Variants in DOK5 observed in about 807,000 individuals in gnomAD.
The protein encoded by DOK5 is docking protein 5.
Under a neutral mutation model 43.3 loss-of-function variants are expected in DOK5, and 27 were observed. That is an observed-to-expected ratio of 0.62 (90% CI 0.46 to 0.86). The LOEUF is 0.86. DOK5 is among the 40% of genes least tolerant of loss of function. The pLI is 0.00. For synonymous variants in DOK5, 146 were observed against 140.1 expected, an observed-to-expected ratio of 1.04 and a Z score of -0.30; for missense variants, 373 against 392.9, an observed-to-expected ratio of 0.95 and a Z score of 0.43.
At chr20:54,602,430 A>T (rs1449199375) in intron 5 of DOK5, among the ~76,000 whole-genome samples, 1 of 152,176 alleles carries the variant, frequency 6.6e-6, no homozygotes, top group Admixed American at 6.5e-5. Flanking sequence ...GTTTCCAAAA[A>T]TGTGGTATGA....
chr20:54,599,778 C>A (rs780865740), intron 5 of DOK5, among the ~76,000 whole-genome samples: 5 of 152,090 alleles, frequency 3.3e-5, no homozygotes, highest in Non-Finnish European at 5.9e-5. Flanking sequence ...CTAGAAAGGG[C>A]TAGTAAAAAA....
chr20:54,632,771 A>G (rs1978630036), intron 6 of DOK5, among the ~76,000 whole-genome samples: 1 of 152,176 alleles, frequency 6.6e-6, no homozygotes, highest in African/African-American at 2.4e-5. Context: ...CCATCTGGGA[A>G]CTTGTTACAA....
At chr20:54,484,141 G>A (rs1050519748) in intron 1 of DOK5, among the ~76,000 whole-genome samples, 10 of 152,168 alleles carry the variant, frequency 6.6e-5, no homozygotes, top group African/African-American at 2.2e-4. Context: ...CACTTTGGGA[G>A]GCCGAGGCGG....
intron 1 of DOK5, among the ~76,000 whole-genome samples, chr20:54,515,470 A>G (rs1349054391): frequency 1.3e-5 from 2 of 152,190 alleles, no homozygotes; most frequent in Non-Finnish European, 2.9e-5. Context: ...AGATTATCTC[A>G]ATGTTGAACT....
intron 1 of DOK5, among the ~76,000 whole-genome samples, chr20:54,496,783 A>AC (rs1982419062): frequency 6.6e-6 from 1 of 151,488 alleles, no homozygotes. Flanking sequence ...AAAAAAAAAA[A>AC]AAAGAAAAAA....
At position 54,481,088 on chromosome 20, in the gene DOK5, A is replaced by T. The variant is rs1321792217; in HGVS notation, c.66+5076A>T. Among the ~76,000 whole-genome samples the T allele has an allele frequency of 5.8e-5, 7 of 120,980 alleles. 1 individual carries two copies. The highest frequency in any genetic ancestry group is 5.5e-4 in the Admixed American group (7 of 12,808). The allele number at this position is 120,980 out of a possible 152,430, so 79.4% of individuals were successfully genotyped here. ...TCTATCATCTATCTATCTATCATCT[A>T]CCATCTATCTATCTATCATCTATCT... On this transcript the variant is annotated intron_variant, in intron 1 of 7. Transcript: ENST00000262593.
intron 1 of DOK5, among the ~76,000 whole-genome samples, chr20:54,496,366 GT>G (rs1454389339): frequency 6.6e-6 from 1 of 152,162 alleles, no homozygotes; most frequent in Non-Finnish European, 1.5e-5. Flanking sequence ...TATTAAAAAT[GT>G]TTCCTACTAT....
At chr20:54,535,737 T>G (rs1045980931) in intron 1 of DOK5, among the ~76,000 whole-genome samples, 6 of 152,202 alleles carry the variant, frequency 3.9e-5, no homozygotes, top group Non-Finnish European at 8.8e-5. Context: ...TAGCACTTGG[T>G]ACAATGAACT....
At chr20:54,635,089 C>A (rs1978758535) in intron 6 of DOK5, among the ~76,000 whole-genome samples, 1 of 152,046 alleles carries the variant, frequency 6.6e-6, no homozygotes. Flanking sequence ...CTCATGATAC[C>A]CTCCTCCCTT....
At chr20:54,550,199 G>T (rs549530780) in intron 1 of DOK5, among the ~76,000 whole-genome samples, 3 of 148,214 alleles carry the variant, frequency 2.0e-5, no homozygotes, top group Admixed American at 6.7e-5. Context: ...AAAAAAAAAG[G>T]ACTGGAGAAG....
At chr20:54,646,841 T>C (rs895051128) in intron 7 of DOK5, among the ~76,000 whole-genome samples, 2 of 151,794 alleles carry the variant, frequency 1.3e-5, no homozygotes, top group African/African-American at 4.8e-5. Context: ...TTGCTGATGA[T>C]TATGGGTTGT....
rs78431592 is a variant in DOK5, at chr20:54,603,519, C to A, written c.600-6869C>A. On this transcript the variant is annotated intron_variant, in intron 5 of 7. Transcript: ENST00000262593. ...AAACCTCTTACCAGGTATTCATTAC[C>A]TGGGTTCTCCCTTGTCCTCATTTTG... Among the ~76,000 whole-genome samples, 695 of 152,304 alleles carry A rather than the reference C, an allele frequency of 4.6e-3. 4 individuals carry two copies. Among genetic ancestry groups the A allele is most frequent in the African/African-American group, 0.016 (669 of 41,560 alleles).
At chr20:54,612,793 G>A (rs1274532443) in intron 6 of DOK5, among the ~76,000 whole-genome samples, 2 of 152,164 alleles carry the variant, frequency 1.3e-5, no homozygotes, top group Non-Finnish European at 2.9e-5. Context: ...ATAAATTTCA[G>A]TGCCATCATA....
rs1983816569 is a variant in DOK5, at chr20:54,532,638, T to C, written c.67-22295T>C. Among the ~76,000 whole-genome samples the C allele has an allele frequency of 2.6e-5, 4 of 152,194 alleles. No individual in the cohort carries two copies. In the South Asian group the frequency reaches 8.3e-4, roughly 31 times the overall value. ...GACTCAAGACTTTATGTGCCGGGAC[T>C]GCTGCTGTTCTCAGCCTCTGTTTTG... On this transcript the variant is annotated intron_variant, in intron 1 of 7. Transcript: ENST00000262593.
chr20:54,636,819 A>G (rs1435300538), intron 6 of DOK5, among the ~76,000 whole-genome samples: 1 of 152,220 alleles, frequency 6.6e-6, no homozygotes, highest in East Asian at 1.9e-4. Flanking sequence ...TTAGATGGTT[A>G]CAAACGAACT....
At chr20:54,596,919 C>A (rs1010213655) in intron 5 of DOK5, among the ~76,000 whole-genome samples, 1 of 152,082 alleles carries the variant, frequency 6.6e-6, no homozygotes, top group Non-Finnish European at 1.5e-5. Context: ...CTTTCAGAAG[C>A]TTTGAGATCT....
rs554647916 is a variant in DOK5 at position 54,568,448 on chromosome 20, T to C, written c.174+13408T>C. Among the ~76,000 whole-genome samples, 9 of 152,352 alleles carry C rather than the reference T, an allele frequency of 5.9e-5. No individual in the cohort carries two copies. The East Asian group carries it at 1.5e-3, about 26-fold the overall frequency. On this transcript the variant is annotated intron_variant, in intron 2 of 7. Transcript: ENST00000262593. ...GGTTTTCTCAAGTTGGTGAAAAGTT[T>C]GTCAGATAGTTTTTCCGTTTGGGAG...
At chr20:54,630,372 A>G (rs1020671704) in intron 6 of DOK5, among the ~76,000 whole-genome samples, 4 of 152,124 alleles carry the variant, frequency 2.6e-5, no homozygotes, top group Non-Finnish European at 5.9e-5. Context: ...CAACATGTAG[A>G]ATGGAGGAAA....
chr20:54,556,434 A>G (rs538598535), intron 2 of DOK5, among the ~76,000 whole-genome samples: 3 of 152,368 alleles, frequency 2.0e-5, no homozygotes, highest in East Asian at 1.9e-4. Context: ...CAGTGATAGC[A>G]TAACTCTGAA....
Sources: gnomAD v4.1 joint callset for allele counts (sites outside exome capture counted in the v4.1 genomes callset) on GRCh38, gnomAD v4.1.1 for gene constraint, MANE v1.5 for transcripts, NCBI Gene and HGNC (gene_info 2026-07-23, HGNC 2026-07-21) for gene names.